Variants in SRGAP3 observed in about 807,000 individuals in gnomAD.
The protein encoded by SRGAP3 is SLIT-ROBO Rho GTPase activating protein 3.
In SRGAP3, 39 loss-of-function variants were observed where a neutral mutation model predicts 121.1. The observed-to-expected ratio is 0.32, with a 90% confidence interval of 0.25 to 0.42. The LOEUF (loss-of-function observed/expected upper bound fraction) is 0.42. Among genes scored for constraint, SRGAP3 ranks in the 10% least tolerant of loss-of-function variants. The pLI is 1.00. For synonymous variants in SRGAP3, 601 were observed against 570.0 expected, an observed-to-expected ratio of 1.05 and a Z score of -0.77; for missense variants, 1,213 against 1,470.6, an observed-to-expected ratio of 0.82 and a Z score of 2.86.
intron 2 of SRGAP3, among the ~76,000 whole-genome samples, chr3:9,327,158 A>AAT (rs1324665629): frequency 6.6e-6 from 1 of 151,878 alleles, no homozygotes; most frequent in Non-Finnish European, 1.5e-5. Flanking sequence ...AATCAGTTTT[A>AAT]CCGTAAGGTA....
intron 2 of SRGAP3, among the ~76,000 whole-genome samples, chr3:9,111,643 G>A (rs1465659486): frequency 6.6e-6 from 1 of 152,158 alleles, no homozygotes; most frequent in African/African-American, 2.4e-5. Context: ...ACGCCAGGCT[G>A]CAGAAAACTT....
chr3:9,122,560 T>C (rs910268984), intron 2 of SRGAP3, among the ~76,000 whole-genome samples: 1 of 151,840 alleles, frequency 6.6e-6, no homozygotes, highest in Non-Finnish European at 1.5e-5. Context: ...ATACAAAAAA[T>C]TAGCTGGGCA....
At chr3:9,357,258 A>T (rs772316227) in intron 1 of SRGAP3, among the ~76,000 whole-genome samples, 1 of 151,720 alleles carries the variant, frequency 6.6e-6, no homozygotes, top group Non-Finnish European at 1.5e-5. Context: ...ATATATATAC[A>T]TTTTTTTTAA....
chr3:9,026,560 G>A (rs948049127), intron 13 of SRGAP3, among the ~76,000 whole-genome samples: 2 of 152,180 alleles, frequency 1.3e-5, no homozygotes, highest in African/African-American at 4.8e-5. Context: ...AAAAGTAATA[G>A]CAAAAGCCAC....
intron 3 of SRGAP3, among the ~76,000 whole-genome samples, chr3:9,092,336 C>T (rs1241255035): frequency 6.6e-6 from 1 of 152,218 alleles, no homozygotes; most frequent in South Asian, 2.1e-4. Context: ...AATAATAAGT[C>T]TTAGTACAAT....
chr3:9,309,749 C>T (rs1163480091), intron 3 of SRGAP3, among the ~76,000 whole-genome samples: 1 of 152,158 alleles, frequency 6.6e-6, no homozygotes, highest in Non-Finnish European at 1.5e-5. Context: ...GTCCCAGCTA[C>T]TCAGAAGGCT....
intron 3 of SRGAP3, among the ~76,000 whole-genome samples, chr3:9,280,976 T>TG (rs1041536328): frequency 4.0e-5 from 6 of 151,378 alleles, no homozygotes; most frequent in Admixed American, 1.3e-4. Context: ...TTGTTGGGGG[T>TG]GGTGGGAGTC....
intron 3 of SRGAP3, among the ~76,000 whole-genome samples, chr3:9,308,348 GC>G (rs1955191562): frequency 6.6e-6 from 1 of 152,126 alleles, no homozygotes; most frequent in East Asian, 1.9e-4. Context: ...CATTTATAAA[GC>G]CAAGAAAAAC....
chr3:9,351,632 G>T (rs1000358424), intron 1 of SRGAP3, among the ~76,000 whole-genome samples: 2 of 152,154 alleles, frequency 1.3e-5, no homozygotes, highest in African/African-American at 4.8e-5. Context: ...ATATACAAAA[G>T]TGGTCCCATA....
At chr3:9,327,697 G>A (rs995448853) in intron 2 of SRGAP3, among the ~76,000 whole-genome samples, 1 of 152,224 alleles carries the variant, frequency 6.6e-6, no homozygotes, top group Admixed American at 6.5e-5. Context: ...AAGCAGGCAA[G>A]CTGTACAGTT....
intron 1 of SRGAP3, chr3:9,192,396 T>C (rs547323847): frequency 1.4e-4 from 22 of 152,342 alleles, no homozygotes; most frequent in East Asian, 1.4e-3. Context: ...AGGGGTTGCA[T>C]AGAGACTGAG....
At chr3:9,082,123 C>T (rs1034066913) in intron 3 of SRGAP3, among the ~76,000 whole-genome samples, 7 of 152,106 alleles carry the variant, frequency 4.6e-5, no homozygotes, top group African/African-American at 1.7e-4. Context: ...GTGTGTGGCA[C>T]CTGCGCCTCT....
chr3:9,042,931 C>G (rs1292056414), intron 10 of SRGAP3, among the ~76,000 whole-genome samples: 3 of 152,138 alleles, frequency 2.0e-5, no homozygotes, highest in African/African-American at 7.2e-5. Flanking sequence ...CCCGCATTTG[C>G]AAATGTTGTC....
At chr3:9,275,323 T>C (rs1954551512) in intron 3 of SRGAP3, among the ~76,000 whole-genome samples, 1 of 152,162 alleles carries the variant, frequency 6.6e-6, no homozygotes, top group South Asian at 2.1e-4. Context: ...GTCTCAAAAC[T>C]ATTCCATTTT....
At chr3:9,069,182 C>T (rs1478512455) in intron 4 of SRGAP3, among the ~76,000 whole-genome samples, 3 of 152,218 alleles carry the variant, frequency 2.0e-5, no homozygotes, top group Admixed American at 6.5e-5. Context: ...TGAAAGGCTC[C>T]TCCAGCCCAC....
At chr3:8,988,422 T>C (rs1574852035) in intron 21 of SRGAP3, among the ~76,000 whole-genome samples, 1 of 152,102 alleles carries the variant, frequency 6.6e-6, no homozygotes, top group Non-Finnish European at 1.5e-5. Context: ...CCAGTGGCAG[T>C]GGGTTACTTA....
chr3:9,000,819 G>A (rs546565038), intron 18 of SRGAP3, among the ~76,000 whole-genome samples: 1 of 152,280 alleles, frequency 6.6e-6, no homozygotes, highest in Middle Eastern at 3.4e-3. Flanking sequence ...TGAAAGAATA[G>A]CAATCATCCA....
At chr3:9,074,690 T>C (rs1033048844) in intron 4 of SRGAP3, among the ~76,000 whole-genome samples, 5 of 152,158 alleles carry the variant, frequency 3.3e-5, no homozygotes, top group African/African-American at 1.2e-4. Flanking sequence ...ACCATCCCCA[T>C]CTCTGAGGGA....
chr3:9,054,332 C>A (rs1945720634), intron 8 of SRGAP3, among the ~76,000 whole-genome samples: 1 of 152,232 alleles, frequency 6.6e-6, no homozygotes, highest in African/African-American at 2.4e-5. Context: ...CTGAAGCCTA[C>A]AACCGGGAGG....
Sources: allele counts gnomAD v4.1 joint callset (sites outside exome capture counted in the v4.1 genomes callset), GRCh38; gene constraint gnomAD v4.1.1; transcripts MANE v1.5; gene names NCBI Gene and HGNC (gene_info 2026-07-23, HGNC 2026-07-21).